Variants in RERE observed in about 807,000 individuals in gnomAD.
RERE encodes arginine-glutamic acid dipeptide repeats protein.
A neutral mutation model predicts 146.1 loss-of-function variants in RERE; 40 were observed. The observed-to-expected ratio is 0.27, with a 90% CI of 0.21 to 0.36. The LOEUF (loss-of-function observed/expected upper bound fraction) is 0.36, where lower values mean the gene tolerates loss of function less well. RERE is among the 10% of genes least tolerant of loss of function. The pLI is 1.00. For synonymous variants in RERE, 1,003 were observed against 866.0 expected (o/e 1.16, Z -2.78); for missense variants, 1,933 against 2,138.7 (o/e 0.90, Z 1.90).
At chr1:8,729,500 G>C (rs1640040692) in intron 1 of RERE, among the ~76,000 whole-genome samples, 1 of 152,046 alleles carries the variant, frequency 6.6e-6, no homozygotes, top group African/African-American at 2.4e-5. Context: ...TGGGGTTACA[G>C]GCATGAGCCA....
chr1:8,725,491 G>A (rs1016943285), intron 1 of RERE, among the ~76,000 whole-genome samples: 1 of 152,108 alleles, frequency 6.6e-6, no homozygotes, highest in Admixed American at 6.6e-5. Flanking sequence ...GCTTGAACCC[G>A]GGAGGCAGAG....
chr1:8,472,187 T>A (rs1644697148), intron 10 of RERE, among the ~76,000 whole-genome samples: 1 of 152,198 alleles, frequency 6.6e-6, no homozygotes, highest in Non-Finnish European at 1.5e-5. Context: ...ATTCCTTACA[T>A]AAAGTAGAAT....
At chr1:8,601,734 T>TC (rs1646631659) in intron 4 of RERE, among the ~76,000 whole-genome samples, 1 of 72,436 alleles carries the variant, frequency 1.4e-5, no homozygotes, top group Non-Finnish European at 2.6e-5. Context: ...ATGTCCAAGG[T>TC]CAACACACAC....
At chr1:8,499,030 T>C (rs530660450) in intron 8 of RERE, among the ~76,000 whole-genome samples, 135 of 152,244 alleles carry the variant, frequency 8.9e-4, no homozygotes, top group African/African-American at 3.2e-3. Context: ...TGATCAGATT[T>C]AAATACCTGT....
intron 1 of RERE, among the ~76,000 whole-genome samples, chr1:8,662,595 T>C (rs2124350899): frequency 6.6e-6 from 1 of 152,078 alleles, no homozygotes; most frequent in East Asian, 1.9e-4. Context: ...GAGGCTGAGG[T>C]GGGAGGTGGG....
intron 4 of RERE, among the ~76,000 whole-genome samples, chr1:8,581,401 G>A (rs1646363974): frequency 6.6e-6 from 1 of 152,174 alleles, no homozygotes; most frequent in East Asian, 1.9e-4. Context: ...TCAGACATAT[G>A]AGTGACAAAT....
intron 7 of RERE, among the ~76,000 whole-genome samples, chr1:8,535,939 C>T (rs1645718493): frequency 7.2e-5 from 11 of 151,894 alleles, no homozygotes; most frequent in Admixed American, 7.2e-4. Flanking sequence ...AACCCCCTCT[C>T]TACTAAAAAT....
chr1:8,382,124 T>C (rs990779203), intron 12 of RERE, among the ~76,000 whole-genome samples: 2 of 152,258 alleles, frequency 1.3e-5, no homozygotes, highest in African/African-American at 4.8e-5. Flanking sequence ...TCCTTCAGTG[T>C]GCTGGAGCAC....
At chr1:8,515,487 C>G (rs1570376076) in intron 7 of RERE, among the ~76,000 whole-genome samples, 1 of 151,548 alleles carries the variant, frequency 6.6e-6, no homozygotes, top group South Asian at 2.1e-4. Flanking sequence ...AAAACTTAGC[C>G]GGGCGTGGTG....
intron 7 of RERE, among the ~76,000 whole-genome samples, chr1:8,516,206 C>T (rs1056725455): frequency 3.3e-5 from 3 of 92,180 alleles, no homozygotes; most frequent in South Asian, 3.4e-4. Flanking sequence ...GCCTGGGGGA[C>T]GGAGCAAGAC....
chr1:8,767,042 A>G (rs983884128), intron 1 of RERE, among the ~76,000 whole-genome samples: 4 of 152,212 alleles, frequency 2.6e-5, no homozygotes, highest in Non-Finnish European at 5.9e-5. Context: ...GAATAGACTA[A>G]TATGATTTAT....
intron 7 of RERE, among the ~76,000 whole-genome samples, chr1:8,517,681 AC>A (rs1355669900): frequency 1.3e-5 from 2 of 152,268 alleles, no homozygotes; most frequent in African/African-American, 2.4e-5. Flanking sequence ...TATTAAAAAA[AC>A]AGAAAGTCAT....
intron 7 of RERE, among the ~76,000 whole-genome samples, chr1:8,528,356 C>T (rs140829883): frequency 4.6e-5 from 7 of 152,164 alleles, no homozygotes; most frequent in African/African-American, 1.2e-4. Context: ...CTATGAAGGC[C>T]GTTGTTGAAA....
intron 1 of RERE, among the ~76,000 whole-genome samples, chr1:8,705,642 G>A (rs1192798537): frequency 1.3e-5 from 2 of 152,048 alleles, no homozygotes; most frequent in East Asian, 1.9e-4. Flanking sequence ...GTTCCATAGA[G>A]TTCTATAGAG....
At chr1:8,708,875 A>G (rs1436523458) in intron 1 of RERE, among the ~76,000 whole-genome samples, 4 of 151,224 alleles carry the variant, frequency 2.6e-5, no homozygotes, top group Non-Finnish European at 5.9e-5. Flanking sequence ...CCAACTCACC[A>G]AAATGTCACT....
intron 1 of RERE, among the ~76,000 whole-genome samples, chr1:8,793,880 A>G (rs1018646637): frequency 2.6e-5 from 4 of 151,888 alleles, no homozygotes; most frequent in African/African-American, 7.2e-5. Context: ...CCTGGCCAAC[A>G]TGGCAAAACC....
chr1:8,405,881 C>T (rs1012429495), intron 12 of RERE, among the ~76,000 whole-genome samples: 3 of 152,124 alleles, frequency 2.0e-5, no homozygotes, highest in African/African-American at 4.8e-5. Context: ...ATGATCTACC[C>T]GCCTCAGCCT....
At chr1:8,440,400 G>A (rs1300273776) in intron 11 of RERE, among the ~76,000 whole-genome samples, 1 of 151,688 alleles carries the variant, frequency 6.6e-6, no homozygotes, top group Non-Finnish European at 1.5e-5. Flanking sequence ...GACCATCCTG[G>A]CCAATATGGT....
intron 1 of RERE, among the ~76,000 whole-genome samples, chr1:8,701,695 G>A (rs1269799916): frequency 6.6e-6 from 1 of 152,150 alleles, no homozygotes; most frequent in African/African-American, 2.4e-5. Context: ...GCCTGCCGGA[G>A]TACAATGAGC....
Sources: gnomAD v4.1 joint callset for allele counts (sites outside exome capture counted in the v4.1 genomes callset) on GRCh38, gnomAD v4.1.1 for gene constraint, MANE v1.5 for transcripts, NCBI Gene and HGNC (gene_info 2026-07-23, HGNC 2026-07-21) for gene names.